PCSK2: variants seen among roughly 807,000 people sequenced by gnomAD.
The protein encoded by PCSK2 is neuroendocrine convertase 2.
In PCSK2, 14 loss-of-function variants were observed where a neutral mutation model predicts 69.7. That is an observed-to-expected ratio of 0.20 (90% CI 0.13 to 0.31). The LOEUF (loss-of-function observed/expected upper bound fraction) is 0.31, where lower values mean the gene tolerates loss of function less well. Among genes scored for constraint, PCSK2 ranks in the 10% least tolerant of loss-of-function variants. The pLI is 1.00. For missense variants in PCSK2, 544 were observed against 842.5 expected (o/e 0.65, Z 4.39); for synonymous variants, 307 against 320.7 (o/e 0.96, Z 0.46).
chr20:17,442,946 G>C (rs975450689), intron 8 of PCSK2, among the ~76,000 whole-genome samples: 1 of 148,168 alleles, frequency 6.7e-6, no homozygotes, highest in Non-Finnish European at 1.5e-5. Flanking sequence ...TTGCGAAGTG[G>C]AAAAGCTGGA....
chr20:17,282,768 G>T (rs1201965701), intron 2 of PCSK2, among the ~76,000 whole-genome samples: 2 of 151,990 alleles, frequency 1.3e-5, no homozygotes, highest in Admixed American at 6.6e-5. Flanking sequence ...AAAAAGAAAG[G>T]GTTATGCCAG....
At chr20:17,256,889 C>T (rs1248025757) in intron 1 of PCSK2, among the ~76,000 whole-genome samples, 1 of 152,088 alleles carries the variant, frequency 6.6e-6, no homozygotes, top group East Asian at 1.9e-4. Context: ...TTTTGTTCCT[C>T]TGTTAGTTGA....
At chr20:17,447,544 A>G (rs950480381) in intron 8 of PCSK2, among the ~76,000 whole-genome samples, 3 of 152,246 alleles carry the variant, frequency 2.0e-5, no homozygotes, top group Non-Finnish European at 2.9e-5. Flanking sequence ...TGGTAAACAT[A>G]TAAACTGTTA....
intron 2 of PCSK2, among the ~76,000 whole-genome samples, chr20:17,330,966 C>G (rs968057697): frequency 5.9e-5 from 9 of 152,284 alleles, no homozygotes; most frequent in South Asian, 4.1e-4. Flanking sequence ...GTCAGATGCC[C>G]CCTTTATATC....
chr20:17,372,836 T>A (rs1006035668), intron 5 of PCSK2, among the ~76,000 whole-genome samples: 16 of 152,298 alleles, frequency 1.1e-4, no homozygotes, highest in African/African-American at 3.6e-4. Flanking sequence ...TGTGTAGAGT[T>A]CAGAGTGGCA....
At chr20:17,335,666 C>G (rs992892239) in intron 2 of PCSK2, among the ~76,000 whole-genome samples, 2 of 151,802 alleles carry the variant, frequency 1.3e-5, no homozygotes, top group Non-Finnish European at 2.9e-5. Context: ...CCCCCTAAGT[C>G]CCCCAAAGTC....
intron 10 of PCSK2, among the ~76,000 whole-genome samples, chr20:17,463,205 C>G (rs1000420263): frequency 2.0e-5 from 3 of 152,182 alleles, no homozygotes; most frequent in African/African-American, 7.2e-5. Flanking sequence ...GAGCCCTTCT[C>G]CAGGCATCAG....
intron 1 of PCSK2, among the ~76,000 whole-genome samples, chr20:17,258,459 C>CA (rs1987260588): frequency 6.6e-6 from 1 of 152,014 alleles, no homozygotes; most frequent in South Asian, 2.1e-4. Flanking sequence ...CACCCCAACA[C>CA]ACAGCATTAT....
chr20:17,245,891 T>A (rs576843621), intron 1 of PCSK2, among the ~76,000 whole-genome samples: 49 of 152,262 alleles, frequency 3.2e-4, no homozygotes, highest in African/African-American at 1.1e-3. Flanking sequence ...CACTTTCTAT[T>A]GTCTTTTACC....
chr20:17,268,581 C>A (rs1311147112), intron 2 of PCSK2, among the ~76,000 whole-genome samples: 3 of 152,058 alleles, frequency 2.0e-5, no homozygotes, highest in East Asian at 1.9e-4. Flanking sequence ...CCAGGAACAG[C>A]AAGAATGCGA....
chr20:17,238,811 A>G (rs1986440020), intron 1 of PCSK2, among the ~76,000 whole-genome samples: 1 of 152,214 alleles, frequency 6.6e-6, no homozygotes, highest in African/African-American at 2.4e-5. Context: ...AGGATTCCAC[A>G]CCAACAACCA....
chr20:17,321,923 T>A (rs1989880082), intron 2 of PCSK2, among the ~76,000 whole-genome samples: 1 of 151,976 alleles, frequency 6.6e-6, no homozygotes, highest in Non-Finnish European at 1.5e-5. Flanking sequence ...GGAAGAAAAA[T>A]AAAAATTATC....
intron 2 of PCSK2, among the ~76,000 whole-genome samples, chr20:17,311,309 C>T (rs1212665842): frequency 1.3e-5 from 2 of 151,772 alleles, no homozygotes; most frequent in Admixed American, 6.6e-5. Context: ...TTCCTGTTTC[C>T]GAAAAAAATT....
rs545489098 is a variant in PCSK2 at position 17,427,213 on chromosome 20, TA to T, written c.621-2218del. 5.6e-3 allele frequency among the ~76,000 whole-genome samples: 848 copies of T among 152,328 alleles called. 9 individuals are homozygous for T. Among genetic ancestry groups the T allele is most frequent in the African/African-American group, 0.019 (799 of 41,570 alleles). On this transcript the variant is annotated intron_variant, in intron 6 of 11. Transcript: ENST00000262545. ...GGGCCCATCTCATAGTAGGTGCTGG[TA>T]AAAGAGGTTGTTTTATTCATATTGC...
intron 2 of PCSK2, among the ~76,000 whole-genome samples, chr20:17,277,948 A>C (rs1241147679): frequency 1.3e-5 from 2 of 152,118 alleles, no homozygotes. Flanking sequence ...ACATTTATGC[A>C]GCCAAAAAAC....
In PCSK2 at chr20:17,244,537, C is replaced by G. The variant is rs16998869; in HGVS notation, c.178-15703C>G. Among the ~76,000 whole-genome samples the G allele has an allele frequency of 1.4e-4, 21 of 152,260 alleles. No homozygotes were observed. The East Asian group carries it at 4.1e-3, about 29-fold the overall frequency. On this transcript the variant is annotated intron_variant, in intron 1 of 11. Coordinates refer to ENST00000262545, the MANE Select transcript of PCSK2 (RefSeq NM_002594.5). ...ATCCACTCAAATCCCCATAATGTAC[C>G]CTGTAGAAGTCTTAACCCTTCCCAA...
chr20:17,300,208 C>G (rs575356336), intron 2 of PCSK2, among the ~76,000 whole-genome samples: 1 of 152,352 alleles, frequency 6.6e-6, no homozygotes, highest in Admixed American at 6.5e-5. Context: ...CCCCAGCAGT[C>G]TCCACAGTTC....
intron 1 of PCSK2, among the ~76,000 whole-genome samples, chr20:17,242,483 TTATAGTTC>T (rs767737582): frequency 1.3e-5 from 2 of 152,226 alleles, no homozygotes; most frequent in African/African-American, 2.4e-5. Flanking sequence ...ACAAGCACAC[TTATAGTTC>T]TATAGTTCTA....
chr20:17,439,480 A>G (rs988037457), intron 8 of PCSK2, among the ~76,000 whole-genome samples: 1 of 152,038 alleles, frequency 6.6e-6, no homozygotes, highest in African/African-American at 2.4e-5. Flanking sequence ...ATCATCCCTT[A>G]GCTTCTGTCC....
Sources: allele counts gnomAD v4.1 joint callset (sites outside exome capture counted in the v4.1 genomes callset), GRCh38; gene constraint gnomAD v4.1.1; transcripts MANE v1.5; gene names NCBI Gene and HGNC (gene_info 2026-07-23, HGNC 2026-07-21).